The following GPR19 variants were observed in gnomAD, a reference collection of about 807,000 sequenced individuals.
GPR19 encodes the protein probable G protein-coupled receptor 19.
In GPR19, 14 loss-of-function variants were observed where a neutral mutation model predicts 28.5. The observed-to-expected ratio is 0.49, with a 90% confidence interval of 0.32 to 0.77. GPR19 has a LOEUF of 0.77. Among genes scored for constraint, GPR19 ranks in the 30% least tolerant of loss-of-function variants. The pLI, the probability that GPR19 is intolerant of heterozygous loss-of-function variation, is 0.03. For missense variants in GPR19, 409 were observed against 504.1 expected (o/e 0.81, Z 1.81); for synonymous variants, 173 against 184.1 (o/e 0.94, Z 0.49).
chr12:12,670,650 T>A (rs539130798), intron 3 of GPR19, among the ~76,000 whole-genome samples: 3,350 of 152,314 alleles, frequency 0.022, 134 homozygotes, highest in African/African-American at 0.075. Flanking sequence ...CACCTAGTTC[T>A]GTGTCTGGAA....
Position 12,661,453 on chromosome 12 carries a change from A to C in GPR19, c.996T>G (p.Ile332Met). 6.2e-7 allele frequency: 1 copy of C among 1,613,810 alleles called. No individual in the cohort carries two copies. The highest frequency in any genetic ancestry group is 8.5e-7 in the Non-Finnish European group (1 of 1,179,706). Residue 332 changes from isoleucine (I) to methionine (M), a missense_variant, in exon 4 of 4, where the codon ATT becomes ATG. Transcript: ENST00000651487. This position sits in a 1 kb window ranked among gnomAD's most constrained non-coding sequence, Gnocchi z 4.2. ...TCCCTCTCCGAAAATTGGCATTATAAATTGAATACAGAGTAGGTTTAGAGG... is the reference window on the plus strand; with the variant it reads ...TCCCTCTCCGAAAATTGGCATTATACATTGAATACAGAGTAGGTTTAGAGG... ...SSASKPTLYSIYNANFRRGMK... is the reference protein window; with the variant it reads ...SSASKPTLYSMYNANFRRGMK...
chr12:12,703,691 C>T, the GPR19 span, among the ~76,000 whole-genome samples: 3 of 152,154 alleles, frequency 2.0e-5, no homozygotes, highest in Non-Finnish European at 4.4e-5. Context: ...TACCAGGCCC[C>T]ATCATAAACC....
In GPR19 at chr12:12,680,624, C is replaced by T. The variant is rs540244505; in HGVS notation, c.-23+3727G>A. On this transcript the variant is annotated intron_variant, in intron 3 of 3. Transcript: ENST00000651487. ...CAGGCCCATGCAATCTTCCTACCTC[C>T]GTCTCCCGAGGACCTGGGACCGCAG... Among the ~76,000 whole-genome samples, 13 of 152,108 alleles carry T rather than the reference C, an allele frequency of 8.5e-5. No individual in the cohort carries two copies. The South Asian group carries it at 2.3e-3, about 27-fold the overall frequency.
At chr12:12,685,494 G>A (rs780356819) in intron 2 of GPR19, among the ~76,000 whole-genome samples, 89 of 152,192 alleles carry the variant, frequency 5.8e-4, no homozygotes, top group Middle Eastern at 3.4e-3. Context: ...CTTTGCTGAC[G>A]TCCTAGTTGC....
upstream of GPR19, among the ~76,000 whole-genome samples, chr12:12,701,011 TGC>T (rs141236797): frequency 0.028 from 4,328 of 152,276 alleles, 194 homozygotes; most frequent in African/African-American, 0.098. Flanking sequence ...TGGATGTATA[TGC>T]CCTTGAGGGT....
At chr12:12,665,774 T>C (rs565024470) in intron 3 of GPR19, among the ~76,000 whole-genome samples, 236 of 122,586 alleles carry the variant, frequency 1.9e-3, no homozygotes, top group African/African-American at 6.9e-3. Flanking sequence ...GAGGCGGAGC[T>C]TGCAGTGAGC....
the GPR19 span, among the ~76,000 whole-genome samples, chr12:12,713,441 G>A: frequency 6.6e-6 from 1 of 152,116 alleles, no homozygotes; most frequent in Non-Finnish European, 1.5e-5. Flanking sequence ...GAACACATTA[G>A]GCAAGATCCC....
chr12:12,697,723 G>A (rs753943200), upstream of GPR19, among the ~76,000 whole-genome samples: 27 of 152,146 alleles, frequency 1.8e-4, no homozygotes, highest in Non-Finnish European at 3.4e-4. Context: ...GTCCAGCATC[G>A]GTCACAGAAA....
Position 12,661,706 on chromosome 12 carries a change from T to G in GPR19, c.743A>C (p.Lys248Thr). 5 of 1,614,180 alleles carry G rather than the reference T, an allele frequency of 3.1e-6. No homozygotes were observed. The highest frequency in any genetic ancestry group is 4.2e-6 in the Non-Finnish European group (5 of 1,180,022). ...LIILFYQKVI[K>T]YIWRIGTDGR... ...ATCTGTGCCTATTCTCCAAATATAT[T>G]TTATGACCTTTTGGTAAAATAAAAT... Residue 248 changes from lysine (K) to threonine (T), a missense_variant, in exon 4 of 4, where the codon AAA (lysine) becomes ACA (threonine). Transcript: ENST00000651487. The surrounding 1 kb of genome is among the most constrained non-coding windows in gnomAD (Gnocchi z 4.2).
intron 3 of GPR19, among the ~76,000 whole-genome samples, chr12:12,674,951 C>A (rs562174761): frequency 1.3e-5 from 2 of 152,202 alleles, no homozygotes; most frequent in East Asian, 3.9e-4. Context: ...ATGGTGAGGA[C>A]CCTCCCCTGG....
chr12:12,706,118 CTT>C, the GPR19 span, among the ~76,000 whole-genome samples: 1 of 152,202 alleles, frequency 6.6e-6, no homozygotes, highest in South Asian at 2.1e-4. Context: ...ATGACTTTCT[CTT>C]TTTAACTCAC....
At chr12:12,716,367 A>G in the GPR19 span, among the ~76,000 whole-genome samples, 548 of 152,230 alleles carry the variant, frequency 3.6e-3, 1 homozygote, top group Non-Finnish European at 5.5e-3. Flanking sequence ...GGTGAGAGAG[A>G]AGGGTGGAGG....
At chr12:12,706,687 G>A in the GPR19 span, among the ~76,000 whole-genome samples, 5 of 152,058 alleles carry the variant, frequency 3.3e-5, no homozygotes, top group Admixed American at 3.3e-4. Flanking sequence ...TCAGTTGCTT[G>A]GAGTCATCAT....
At chr12:12,702,405 A>G in the GPR19 span, among the ~76,000 whole-genome samples, 1 of 152,190 alleles carries the variant, frequency 6.6e-6, no homozygotes, top group Admixed American at 6.5e-5. Context: ...AGTGCAACAG[A>G]ATACTCTGTA....
chr12:12,698,635 C>A (rs12371581), upstream of GPR19, among the ~76,000 whole-genome samples: 3 of 150,078 alleles, frequency 2.0e-5, no homozygotes, highest in African/African-American at 7.4e-5. Context: ...TTTCTCAAGA[C>A]GGTCTTGCTC....
chr12:12,666,685 A>G (rs994307545), intron 3 of GPR19, among the ~76,000 whole-genome samples: 1 of 152,236 alleles, frequency 6.6e-6, no homozygotes, highest in Non-Finnish European at 1.5e-5. Context: ...AGTTCTTTAC[A>G]TTAATAATTG....
At position 12,661,336 on chromosome 12, in the gene GPR19, G is replaced by C. The variant is rs779033589; in HGVS notation, c.1113C>G (p.Tyr371Ter). The part of the protein sequence containing the change: ...TTSSRMAKKN[Y>*]VGISEIPSMA... ...TGGAAGGGATTTCTGAAATGCCAAC[G>C]TAGTTTTTTTTGGCCATCCTTGAAC... The change falls in exon 4 of 4, where the codon TAC becomes TAG. Residue 371 changes from tyrosine to a stop codon, truncating the protein, a stop_gained. Coordinates refer to ENST00000651487, the MANE Select transcript of GPR19 (RefSeq NM_006143.3). LOFTEE classifies it high-confidence loss of function. The surrounding 1 kb of genome is among the most constrained non-coding windows in gnomAD (Gnocchi z 4.2). 6.2e-7 allele frequency: 1 copy of C among 1,613,958 alleles called. No homozygotes were observed. Among genetic ancestry groups the C allele is most frequent in the Non-Finnish European group, 8.5e-7 (1 of 1,179,832 alleles).
At chr12:12,700,913 G>A (rs1946319288), upstream of GPR19, among the ~76,000 whole-genome samples, 1 of 152,112 alleles carries the variant, frequency 6.6e-6, no homozygotes, top group East Asian at 1.9e-4. Context: ...TTTTAAAAAT[G>A]TGGCTCCCAG....
intron 2 of GPR19, among the ~76,000 whole-genome samples, chr12:12,687,928 A>C (rs1170269289): frequency 6.6e-6 from 1 of 152,226 alleles, no homozygotes; most frequent in East Asian, 1.9e-4. Context: ...ACTGCACTCT[A>C]ATCTGGGAGA....
Sources: gnomAD v4.1 joint callset for allele counts (sites outside exome capture counted in the v4.1 genomes callset) on GRCh38, gnomAD v4.1.1 for gene constraint, Gnocchi (gnomAD v3.1) non-coding constraint, MANE v1.5 for transcripts, NCBI Gene and HGNC (gene_info 2026-07-23, HGNC 2026-07-21) for gene names.